CELSR3: variants seen among roughly 807,000 people sequenced by gnomAD.
CELSR3 encodes the protein cadherin EGF LAG seven-pass G-type receptor 3, also known as EGF-like protein 1.
A neutral mutation model predicts 270.0 loss-of-function variants in CELSR3; 73 were observed. That is an observed-to-expected ratio of 0.27 (90% CI 0.22 to 0.33). CELSR3 has a LOEUF of 0.33. CELSR3 is among the 10% of genes least tolerant of loss of function. CELSR3 has a pLI of 1.00. For missense variants in CELSR3, 3,614 were observed against 4,533.8 expected (o/e 0.80, Z 5.83); for synonymous variants, 1,780 against 1,905.4 (o/e 0.93, Z 1.71).
chr3:48,647,762 T>C (rs1386373243), intron 20 of CELSR3, 79 bp downstream of exon 20: 2 of 1,451,340 alleles, frequency 1.4e-6, no homozygotes, highest in African/African-American at 1.4e-5. Context: ...AGGGGAAAAT[T>C]GGCAGGAGGG....
rs1007473361 is a variant in CELSR3 at position 48,653,833 on chromosome 3, C to G, written c.5278+45G>C. The G allele has an allele frequency of 2.5e-6, 4 of 1,611,748 alleles. No homozygotes were observed. Among genetic ancestry groups the G allele is most frequent in the African/African-American group, 1.3e-5 (1 of 75,034 alleles). Reference sequence around the variant, plus strand: ...AGGGTTACAGCCCCTGCCCCAGGAACAGATCTGACCCTGCAGGCCCCTCTG... The same window carrying G: ...AGGGTTACAGCCCCTGCCCCAGGAAGAGATCTGACCCTGCAGGCCCCTCTG... On this transcript the variant is annotated intron_variant, in intron 8 of 34. Coordinates refer to ENST00000164024, the MANE Select transcript of CELSR3 (RefSeq NM_001407.3). The surrounding 1 kb of genome is among the most constrained non-coding windows in gnomAD (Gnocchi z 6.5).
Position 48,652,379 on chromosome 3 carries a change from CCTGACTT to C in CELSR3, c.5751+51_5751+57del, listed in dbSNP as rs2047145545. The C allele has an allele frequency of 4.4e-6, 6 of 1,375,034 alleles. No homozygotes were observed. Among genetic ancestry groups the C allele is most frequent in the Middle Eastern group, 1.8e-4 (1 of 5,600 alleles). The allele number at this position is 1,375,034 out of a possible 1,614,324, so 85.2% of individuals were successfully genotyped here. On this transcript the variant is annotated intron_variant, in intron 11 of 34. Transcript: ENST00000164024. The surrounding 1 kb of genome is among the most constrained non-coding windows in gnomAD (Gnocchi z 4.3). ...ACTGCCTTTCAGGTCCCAAGGAGCC[CCTGACTT>C]CTGACCCCTGACCCTAATGCCCCAT...
In CELSR3 at chr3:48,644,353, A is replaced by T. The variant is rs1014722550; in HGVS notation, c.8086-58T>A. 1.4e-6 allele frequency: 2 copies of T among 1,386,248 alleles called. No individual in the cohort carries two copies. The highest frequency in any genetic ancestry group is 2.0e-6 in the Non-Finnish European group (2 of 981,882). 85.9% of individuals were successfully genotyped at this position (1,386,248 alleles called of 1,614,324 possible). A position where few individuals can be genotyped will look rare whatever the true frequency, so the allele number is the denominator to read the frequency against. Reference sequence around the variant, plus strand: ...AGGGCAGAGAGAGAGAGAGAGAGAGAGGCAATGAGAGACAGAGAGAGACTA... The same window carrying T: ...AGGGCAGAGAGAGAGAGAGAGAGAGTGGCAATGAGAGACAGAGAGAGACTA... On this transcript the variant is annotated intron_variant, in intron 26 of 34. Coordinates refer to ENST00000164024, the MANE Select transcript of CELSR3 (RefSeq NM_001407.3). The surrounding 1 kb of genome is among the most constrained non-coding windows in gnomAD (Gnocchi z 4.8).
At position 48,662,092 on chromosome 3, in the gene CELSR3, A is replaced by C. The variant is rs1166128943; in HGVS notation, c.543T>G (p.Gly181=). The change falls in exon 1 of 35, where the codon GGT becomes GGG. Residue 181 remains glycine (G), a synonymous_variant. Coordinates refer to ENST00000164024, the MANE Select transcript of CELSR3 (RefSeq NM_001407.3). The surrounding 1 kb of genome is among the most constrained non-coding windows in gnomAD (Gnocchi z 7.1). ...LPSDFLIRHH[G]PKPVSSQRNA... is the part of the protein sequence containing the mutation. ...TCCGCTGGGAGGACACCGGCTTGGG[A>C]CCGTGGTGCCGAATCAAAAAGTCTG... The C allele has an allele frequency of 1.2e-6, 2 of 1,613,738 alleles. No individual in the cohort carries two copies. The highest frequency in any genetic ancestry group is 2.7e-5 in the African/African-American group (2 of 74,890).
At position 48,640,503 on chromosome 3, in the gene CELSR3, C is replaced by G. The variant is rs2047016035; in HGVS notation, c.9082G>C (p.Glu3028Gln). Residue 3028 changes from glutamate to glutamine, a missense_variant, in exon 34 of 35, where the codon GAG becomes CAG. Around this residue, in one of 7 missense-constraint regions of CELSR3, gnomAD observed 1,240 missense variants for 1,351.7 expected, o/e 0.92. Coordinates refer to ENST00000164024, the MANE Select transcript of CELSR3 (RefSeq NM_001407.3). This position sits in a 1 kb window ranked among gnomAD's most constrained non-coding sequence, Gnocchi z 7.5. ...GTGGCTGCACGGCACCAGGACAGCTCAGGGGCACCTCGGGTCTGTGGCACC... is the reference window on the plus strand; with the variant it reads ...GTGGCTGCACGGCACCAGGACAGCTGAGGGGCACCTCGGGTCTGTGGCACC... ...PLVPQTRGAP[E>Q]LSWCRAATLG... 1 of 1,609,592 alleles carries G rather than the reference C, an allele frequency of 6.2e-7. No individual in the cohort carries two copies. Among genetic ancestry groups the G allele is most frequent in the African/African-American group, 1.3e-5 (1 of 74,922 alleles).
At position 48,652,948 on chromosome 3, in the gene CELSR3, G is replaced by T; in HGVS notation, c.5634+54C>A. ...CTGGACTAGAGGTGGGGTCAAATAA[G>T]GCGGATCTGGTTGGAAGGCTGAGAA... On this transcript the variant is annotated intron_variant, in intron 10 of 34. Transcript: ENST00000164024. The surrounding 1 kb of genome is among the most constrained non-coding windows in gnomAD (Gnocchi z 4.3). The T allele has an allele frequency of 6.7e-7, 1 of 1,496,826 alleles. No individual in the cohort carries two copies. Among genetic ancestry groups the T allele is most frequent in the Non-Finnish European group, 9.2e-7 (1 of 1,082,132 alleles). 92.7% of individuals were successfully genotyped at this position (1,496,826 alleles called of 1,614,324 possible). A position where few individuals can be genotyped will look rare whatever the true frequency, so the allele number is the denominator to read the frequency against.
chr3:48,646,257 C>T lies in CELSR3; in HGVS notation c.7296G>A (p.Arg2432=), dbSNP rs772484458. 1.2e-6 allele frequency: 2 copies of T among 1,608,928 alleles called. No homozygotes were observed. Among genetic ancestry groups the T allele is most frequent in the East Asian group, 2.2e-5 (1 of 44,790 alleles). Residue 2432 remains arginine (R), a splice_region_variant and synonymous_variant, in exon 22 of 35, where the codon AGG becomes AGA. Coordinates refer to ENST00000164024, the MANE Select transcript of CELSR3 (RefSeq NM_001407.3). The surrounding 1 kb of genome is among the most constrained non-coding windows in gnomAD (Gnocchi z 4.8). The part of the protein sequence containing the change: ...AQFQAERRGA[R]LPQNPVMNSP... ...AGTTCATGACGGGGTTCTGAGGAAG[C>T]CTGGGGAGACACCCATCTGGGCTTA... is the stretch of plus-strand genomic sequence containing the variant.
chr3:48,644,706 G>C lies in CELSR3; in HGVS notation c.8085+10C>G, dbSNP rs1575539538. 1 of 1,605,794 alleles carries C rather than the reference G, an allele frequency of 6.2e-7. No homozygotes were observed. The highest frequency in any genetic ancestry group is 1.7e-4 in the Middle Eastern group (1 of 6,026). On this transcript the variant is annotated intron_variant, in intron 26 of 34. Transcript: ENST00000164024. The surrounding 1 kb of genome is among the most constrained non-coding windows in gnomAD (Gnocchi z 4.8). ...AAGTACAGAGGGGGCACCAAGTCCA[G>C]GGCACTCACCACTATGACCAGGACA... is the stretch of plus-strand genomic sequence containing the variant.
Position 48,648,290 on chromosome 3 carries a change from T to C in CELSR3, c.6949A>G (p.Met2317Val). The change falls in exon 19 of 35, where the codon ATG (methionine) becomes GTG (valine). Residue 2317 changes from methionine to valine, a missense_variant. Transcript: ENST00000164024. ...CTGATATTAGGCGTCACCAGCCCCA[T>C]GGGATTCAGGTATGTGAGTTCCATA... The part of the protein sequence containing the change: ...RNMELTYLNP[M>V]GLVTPNIMLS... The C allele has an allele frequency of 1.5e-6, 2 of 1,321,596 alleles. No individual in the cohort carries two copies. Among genetic ancestry groups the C allele is most frequent in the South Asian group, 2.3e-5 (2 of 86,892 alleles). 81.9% of individuals were successfully genotyped at this position (1,321,596 alleles called of 1,614,324 possible).
At position 48,662,734 on chromosome 3, in the gene CELSR3, C is replaced by G; in HGVS notation, c.-100G>C. The G allele has an allele frequency of 2.5e-6, 1 of 396,158 alleles. No homozygotes were observed. Among genetic ancestry groups the G allele is most frequent in the Non-Finnish European group, 4.2e-6 (1 of 239,694 alleles). 24.5% of individuals were successfully genotyped at this position (396,158 alleles called of 1,614,324 possible). A position where few individuals can be genotyped will look rare whatever the true frequency, so the allele number is the denominator to read the frequency against. On this transcript the variant is annotated 5_prime_UTR_variant, in exon 1 of 35. Transcript: ENST00000164024. This position sits in a 1 kb window ranked among gnomAD's most constrained non-coding sequence, Gnocchi z 7.1. ...CCCTCCCGGGCCCCTGCCGCCGCCCCGGGCCCCCGCCCCTCCGCCTGTCTC... is the reference window on the plus strand; with the variant it reads ...CCCTCCCGGGCCCCTGCCGCCGCCCGGGGCCCCCGCCCCTCCGCCTGTCTC...
In CELSR3 at chr3:48,661,510, C is replaced by G. The variant is rs1490062123; in HGVS notation, c.1125G>C (p.Leu375=). The part of the protein sequence containing the change: ...AALMNSRSLE[L]FSIDPQSGLI... ...GGCCGCTCTGCGGGTCGATGCTGAA[C>G]AGCTCCAGCGAGCGGCTGTTCATGA... Residue 375 remains leucine (L), a synonymous_variant, in exon 1 of 35, where the codon CTG becomes CTC. Coordinates refer to ENST00000164024, the MANE Select transcript of CELSR3 (RefSeq NM_001407.3). The G allele has an allele frequency of 6.2e-7, 1 of 1,604,508 alleles. No homozygotes were observed. The highest frequency in any genetic ancestry group is 1.1e-5 in the South Asian group (1 of 90,486).
chr3:48,643,120 G>T (rs745381990), intron 28 of CELSR3, 37 bp from the exon 29 acceptor site: 2 of 1,357,056 alleles, frequency 1.5e-6, no homozygotes, highest in Admixed American at 3.4e-5. Context: ...AGTCGGCAGG[G>T]ATCAATCAGG....
chr3:48,659,622 C>G lies in CELSR3; in HGVS notation c.3013G>C (p.Asp1005His). 6.2e-7 allele frequency: 1 copy of G among 1,614,224 alleles called. No individual in the cohort carries two copies. The highest frequency in any genetic ancestry group is 8.5e-7 in the Non-Finnish European group (1 of 1,180,048). Residue 1005 changes from aspartate to histidine, a missense_variant, in exon 1 of 35, where the codon GAT (aspartate) becomes CAT (histidine). Around this residue, in one of 7 missense-constraint regions of CELSR3, gnomAD observed 1,331 missense variants for 1,933.7 expected, o/e 0.69. Transcript: ENST00000164024. The surrounding 1 kb of genome is among the most constrained non-coding windows in gnomAD (Gnocchi z 8.1). ...RVQYTFQNGE[D>H]GDGDFTIEPT... is the part of the protein sequence containing the mutation. Reference sequence around the variant, plus strand: ...TCAATGGTAAAATCTCCATCCCCATCTTCACCATTCTGGAAAGTGTACTGG... The same window carrying G: ...TCAATGGTAAAATCTCCATCCCCATGTTCACCATTCTGGAAAGTGTACTGG...
chr3:48,650,635 G>T lies in CELSR3; in HGVS notation c.6371-54C>A. 7.0e-7 allele frequency: 1 copy of T among 1,425,794 alleles called. No homozygotes were observed. The highest frequency in any genetic ancestry group is 9.6e-7 in the Non-Finnish European group (1 of 1,043,144). The allele number at this position is 1,425,794 out of a possible 1,614,324, so 88.3% of individuals were successfully genotyped here. ...CAGTCAGGGTACAGGGCAGTTGACA[G>T]CCACACCCACTGCCCCTCCACCACC... On this transcript the variant is annotated intron_variant, in intron 15 of 34. Transcript: ENST00000164024. This position sits in a 1 kb window ranked among gnomAD's most constrained non-coding sequence, Gnocchi z 5.1.
At position 48,659,684 on chromosome 3, in the gene CELSR3, G is replaced by A. The variant is rs558571872; in HGVS notation, c.2951C>T (p.Ser984Leu). The stretch of plus-strand genomic sequence containing the variant: ...GGCATGAGCATCCCGGTCAGTGGCT[G>A]AGATCTGCAGGACACTGGTGAAAGG... ...APPFTSVLQISATDRDAHANG... is the reference protein window; with the variant it reads ...APPFTSVLQILATDRDAHANG... The change falls in exon 1 of 35, where the codon TCA becomes TTA. Residue 984 changes from serine to leucine, a missense_variant. Ser to Leu is a moderately radical substitution (Grantham distance 145, BLOSUM62 -2). This residue lies in a region of CELSR3 where 1,331 missense variants were observed against 1,933.7 expected (regional missense o/e 0.69). Coordinates refer to ENST00000164024, the MANE Select transcript of CELSR3 (RefSeq NM_001407.3). The surrounding 1 kb of genome is among the most constrained non-coding windows in gnomAD (Gnocchi z 8.1). 2.3e-4 allele frequency: 369 copies of A among 1,614,208 alleles called. 1 individual carries two copies. In the South Asian group the frequency reaches 3.9e-3, roughly 17 times the overall value.
Position 48,651,673 on chromosome 3 carries a change from C to A in CELSR3, c.5969G>T (p.Cys1990Phe). 6.3e-7 allele frequency: 1 copy of A among 1,579,660 alleles called. No individual in the cohort carries two copies. The highest frequency in any genetic ancestry group is 8.6e-7 in the Non-Finnish European group (1 of 1,164,338). ...GTGCCGGCATGATCCCTGGTTCTGA[C>A]AGGGGTTCAGGAGGCAGGCATCCAC... ...GCVDACLLNPCQNQGSCRHLP... is the reference protein window; with the variant it reads ...GCVDACLLNPFQNQGSCRHLP... Residue 1990 changes from cysteine (C) to phenylalanine (F), a missense_variant, in exon 13 of 35, where the codon TGT becomes TTT. By Grantham distance (205) the Cys-to-Phe change is radical (BLOSUM62 -2). This residue lies in a region of CELSR3 where 1,331 missense variants were observed against 1,933.7 expected (regional missense o/e 0.69). Coordinates refer to ENST00000164024, the MANE Select transcript of CELSR3 (RefSeq NM_001407.3). This position sits in a 1 kb window ranked among gnomAD's most constrained non-coding sequence, Gnocchi z 7.4.
Position 48,655,905 on chromosome 3 carries a change from A to C in CELSR3, c.4626-54T>G. ...GTGGGAGCGTCAGGAGCAGGGTACC[A>C]CTTCACACCCACCATCCCTGCGAGG... On this transcript the variant is annotated intron_variant, in intron 3 of 34. Transcript: ENST00000164024. This position sits in a 1 kb window ranked among gnomAD's most constrained non-coding sequence, Gnocchi z 5.8. The C allele has an allele frequency of 1.5e-6, 2 of 1,361,088 alleles. No individual in the cohort carries two copies. Among genetic ancestry groups the C allele is most frequent in the Non-Finnish European group, 2.1e-6 (2 of 974,204 alleles). 84.3% of individuals were successfully genotyped at this position (1,361,088 alleles called of 1,614,324 possible).
rs2047163388 is a variant in CELSR3 at position 48,654,448 on chromosome 3, G to A, written c.4993C>T (p.Leu1665=). The change falls in exon 7 of 35, where the codon CTG becomes TTG. Residue 1665 remains leucine, a synonymous_variant. Transcript: ENST00000164024. This position sits in a 1 kb window ranked among gnomAD's most constrained non-coding sequence, Gnocchi z 5.4. ...AGAAGAAGAGGGCCCGTCAGGTCCA[G>A]GGACCTGGGGATCAGGGGTCTGGGT... ...AGVQTSSKKS[L]DLTGPLLLGG... 1 of 1,582,640 alleles carries A rather than the reference G, an allele frequency of 6.3e-7. No homozygotes were observed. The highest frequency in any genetic ancestry group is 8.6e-7 in the Non-Finnish European group (1 of 1,161,310).
chr3:48,637,880 T>C lies in CELSR3; in HGVS notation c.*325A>G. ...AGGACCCAAATGGGGTCAAACTGCA[T>C]CTCTCCCTCTATCTCCCTCCCCCTC... is the stretch of plus-strand genomic sequence containing the variant. On this transcript the variant is annotated 3_prime_UTR_variant, in exon 35 of 35. Transcript: ENST00000164024. The C allele has an allele frequency of 2.8e-6, 1 of 359,260 alleles. No individual in the cohort carries two copies. Among genetic ancestry groups the C allele is most frequent in the Non-Finnish European group, 5.2e-6 (1 of 191,084 alleles). 22.3% of individuals were successfully genotyped at this position (359,260 alleles called of 1,614,324 possible). A position where few individuals can be genotyped will look rare whatever the true frequency, so the allele number is the denominator to read the frequency against.
Sources: allele counts gnomAD v4.1 joint callset, GRCh38; gene constraint gnomAD v4.1.1; regional missense constraint gnomAD v4.1.1; non-coding constraint Gnocchi (gnomAD v3.1); transcripts MANE v1.5; gene names NCBI Gene and HGNC (gene_info 2026-07-23, HGNC 2026-07-21).